Variants in SP100 observed in about 807,000 individuals in gnomAD.
SP100 encodes nuclear autoantigen Sp-100.
SP100 carries 84 observed loss-of-function variants against 130.0 expected under a neutral mutation model. The observed-to-expected ratio is 0.65, with a 90% CI of 0.54 to 0.77. The LOEUF is 0.77. Ranked by LOEUF, SP100 falls within the 30% of genes least tolerant of loss-of-function variation. The probability of loss-of-function intolerance (pLI) is 0.00; values close to 1 mark genes in which losing one functional copy is unlikely to be tolerated. For synonymous variants in SP100, 331 were observed against 351.7 expected (o/e 0.94, Z 0.66); for missense variants, 978 against 1,052.2 (o/e 0.93, Z 0.97).
At chr2:230,448,122 G>A (rs1279287315) in intron 5 of SP100, among the ~76,000 whole-genome samples, 1 of 152,184 alleles carries the variant, frequency 6.6e-6, no homozygotes, top group Non-Finnish European at 1.5e-5. Flanking sequence ...GAGAAACTTG[G>A]TGATGGCAGA....
At chr2:230,536,608 C>T (rs990901251) in intron 24 of SP100, among the ~76,000 whole-genome samples, 5 of 152,112 alleles carry the variant, frequency 3.3e-5, no homozygotes, top group African/African-American at 4.8e-5. Context: ...TCCTGTTAAC[C>T]AATTCCTCCT....
chr2:230,454,877 G>A (rs1464891285), intron 8 of SP100, among the ~76,000 whole-genome samples: 1 of 152,152 alleles, frequency 6.6e-6, no homozygotes, highest in African/African-American at 2.4e-5. Flanking sequence ...GCTGAAGGTA[G>A]GGTGTTGAAG....
chr2:230,457,480 T>C (rs1294557805), intron 8 of SP100, among the ~76,000 whole-genome samples: 4 of 152,136 alleles, frequency 2.6e-5, no homozygotes, highest in African/African-American at 4.8e-5. Flanking sequence ...GTTCAGACCA[T>C]GGGTACTGGC....
intron 24 of SP100, chr2:230,515,425 A>G (rs1471426864): frequency 6.2e-7 from 1 of 1,613,918 alleles, no homozygotes. Flanking sequence ...GATGTGGAAT[A>G]ACACCGCTGC....
intron 5 of SP100, among the ~76,000 whole-genome samples, chr2:230,447,228 C>T (rs2063749875): frequency 6.6e-6 from 1 of 152,134 alleles, no homozygotes. Context: ...AGCCCGTGGC[C>T]CGTGGTCAAC....
intron 24 of SP100, among the ~76,000 whole-genome samples, chr2:230,512,843 T>G (rs1224179646): frequency 1.3e-5 from 2 of 152,152 alleles, no homozygotes; most frequent in Non-Finnish European, 1.5e-5. Context: ...TTTCTGCAAC[T>G]AAAAGTTCCC....
At chr2:230,476,465 C>T (rs1222165599) in intron 17 of SP100, among the ~76,000 whole-genome samples, 2 of 152,074 alleles carry the variant, frequency 1.3e-5, no homozygotes, top group East Asian at 1.9e-4. Flanking sequence ...AACCTGAATG[C>T]CTTTTAAAGT....
At chr2:230,506,555 C>A in intron 22 of SP100, 110 bp downstream of exon 22, 1 of 1,091,500 alleles carries the variant, frequency 9.2e-7, no homozygotes, top group Non-Finnish European at 1.3e-6. Flanking sequence ...ACTTCCTCTG[C>A]CCAGGTCTCC....
intron 24 of SP100, among the ~76,000 whole-genome samples, chr2:230,535,208 G>C (rs1691879523): frequency 6.9e-6 from 1 of 143,894 alleles, no homozygotes; most frequent in Admixed American, 6.9e-5. Flanking sequence ...AAAAAAAAAA[G>C]TATCTTATAA....
At chr2:230,510,354 A>G (rs1029410071) in intron 23 of SP100, 2 of 152,066 alleles carry the variant, frequency 1.3e-5, no homozygotes, top group Non-Finnish European at 2.9e-5. Flanking sequence ...AGAAAGGGTT[A>G]GAGTTATTCC....
chr2:230,509,984 C>T (rs1690454198), intron 23 of SP100: 1 of 152,612 alleles, frequency 6.6e-6, no homozygotes, highest in Non-Finnish European at 1.5e-5. Flanking sequence ...AGGATTCTGT[C>T]AACCTTATTG....
At chr2:230,532,295 A>C (rs1361837824) in intron 24 of SP100, among the ~76,000 whole-genome samples, 1 of 152,196 alleles carries the variant, frequency 6.6e-6, no homozygotes, top group Non-Finnish European at 1.5e-5. Context: ...AAAGTAGGTG[A>C]GAATAGAAAT....
chr2:230,425,811 T>C (rs1228897581), intron 2 of SP100, among the ~76,000 whole-genome samples: 1 of 152,070 alleles, frequency 6.6e-6, no homozygotes, highest in African/African-American at 2.4e-5. Context: ...ATTTTTTTTT[T>C]TGGAAGAGTT....
chr2:230,461,463 T>A, intron 9 of SP100, 49 bp downstream of exon 9: 1 of 1,598,022 alleles, frequency 6.3e-7, no homozygotes, highest in Non-Finnish European at 8.6e-7. Context: ...GGTTACCAGG[T>A]AAGGGGCTCA....
intron 11 of SP100, among the ~76,000 whole-genome samples, chr2:230,465,408 A>T (rs1289542387): frequency 1.3e-5 from 2 of 152,182 alleles, no homozygotes; most frequent in African/African-American, 4.8e-5. Context: ...CAAAAAAAAT[A>T]AGTAAAAAAG....
chr2:230,475,922 C>G (rs1462429619), intron 17 of SP100, among the ~76,000 whole-genome samples: 1 of 152,120 alleles, frequency 6.6e-6, no homozygotes, highest in Non-Finnish European at 1.5e-5. Flanking sequence ...CAGTACCATG[C>G]CATTTTGATT....
chr2:230,465,866 GGA>G (rs1278540935), intron 11 of SP100, among the ~76,000 whole-genome samples: 2 of 151,996 alleles, frequency 1.3e-5, no homozygotes, highest in Non-Finnish European at 2.9e-5. Context: ...TTCACTAGAA[GGA>G]GAGAGAGAAA....
intron 17 of SP100, among the ~76,000 whole-genome samples, chr2:230,483,022 T>C (rs913051825): frequency 2.6e-5 from 4 of 152,234 alleles, no homozygotes; most frequent in Non-Finnish European, 1.5e-5. Flanking sequence ...TAGAGATATC[T>C]CACTATTTAT....
At chr2:230,437,563 T>C (rs1300438980) in intron 2 of SP100, among the ~76,000 whole-genome samples, 3 of 151,968 alleles carry the variant, frequency 2.0e-5, no homozygotes, top group East Asian at 3.9e-4. Context: ...TTTTGTTTTG[T>C]TTTGTTTTGT....
Sources: allele counts gnomAD v4.1 joint callset (sites outside exome capture counted in the v4.1 genomes callset), GRCh38; gene constraint gnomAD v4.1.1; transcripts MANE v1.5; gene names NCBI Gene and HGNC (gene_info 2026-07-23, HGNC 2026-07-21).